DMBT1: variants seen among roughly 807,000 people sequenced by gnomAD.
The protein encoded by DMBT1 is deleted in malignant brain tumors 1, also known as scavenger receptor cysteine-rich domain-containing protein DMBT1.
A neutral mutation model predicts 252.9 loss-of-function variants in DMBT1; 198 were observed. That is an observed-to-expected ratio of 0.78 (90% CI 0.70 to 0.88). DMBT1 has a LOEUF of 0.88. Among genes scored for constraint, DMBT1 ranks in the 40% least tolerant of loss-of-function variants. The pLI is 0.00. For missense variants in DMBT1, 2,432 were observed against 2,404.7 expected (o/e 1.01, Z -0.24); for synonymous variants, 990 against 942.7 (o/e 1.05, Z -0.92).
chr10:122,631,708 T>G (rs1426341054), intron 49 of DMBT1, 147 bp from the exon 50 acceptor site: 13 of 774,550 alleles, frequency 1.7e-5, no homozygotes, highest in Admixed American at 2.2e-5. Context: ...CTGGGAAGGC[T>G]TCTCAATAGC....
chr10:122,630,229 A>G (rs1415328089), intron 47 of DMBT1, 59 bp from the exon 48 acceptor site: 1 of 1,551,332 alleles, frequency 6.4e-7, no homozygotes, highest in East Asian at 2.3e-5. Flanking sequence ...CAAACTATTT[A>G]TAAAATGGAG....
At chr10:122,641,021 G>T (rs1844436896) in intron 55 of DMBT1, among the ~76,000 whole-genome samples, 1 of 152,216 alleles carries the variant, frequency 6.6e-6, no homozygotes, top group South Asian at 2.1e-4. Context: ...AGCACAGAGA[G>T]TGTGCAGCAG....
At position 122,586,170 on chromosome 10, in the gene DMBT1, G is replaced by T. The variant is rs748510626; in HGVS notation, c.1570G>T (p.Asp524Tyr). The T allele has an allele frequency of 1.9e-6, 3 of 1,589,290 alleles. No individual in the cohort carries two copies. Among genetic ancestry groups the T allele is most frequent in the South Asian group, 2.3e-5 (2 of 87,048 alleles). The change falls in exon 16 of 56, where the codon GAC becomes TAC. Residue 524 changes from aspartate (D) to tyrosine (Y), a missense_variant. Coordinates refer to ENST00000338354, the MANE Select transcript of DMBT1 (RefSeq NM_001377530.1). ...GGGCACCGTGTGTGATGACAGCTGG[G>T]ACACCAATGATGCCAATGTGGTCTG... ...SWGTVCDDSW[D>Y]TNDANVVCRQ...
chr10:122,635,865 TA>T (rs2098222945), intron 52 of DMBT1, 125 bp from the exon 53 acceptor site: 6 of 1,017,406 alleles, frequency 5.9e-6, no homozygotes, highest in Non-Finnish European at 7.4e-6. Flanking sequence ...CAAGGAGACC[TA>T]TGACTTTCAT....
intron 55 of DMBT1, among the ~76,000 whole-genome samples, chr10:122,642,072 C>T (rs1307694954): frequency 6.6e-6 from 1 of 152,108 alleles, no homozygotes. Flanking sequence ...CAATGACTGC[C>T]CAGGGGCTTC....
At chr10:122,592,814 G>A (rs1268455228) in intron 20 of DMBT1, among the ~76,000 whole-genome samples, 1 of 148,682 alleles carries the variant, frequency 6.7e-6, no homozygotes, top group African/African-American at 2.4e-5. Context: ...CAACAACCCA[G>A]ACTTTATCCC....
At chr10:122,571,495 C>T (rs2097663543) in intron 4 of DMBT1, among the ~76,000 whole-genome samples, 1 of 152,200 alleles carries the variant, frequency 6.6e-6, no homozygotes, top group African/African-American at 2.4e-5. Flanking sequence ...CGAACCAAGG[C>T]ATTCTCTTTA....
chr10:122,585,420 C>G, intron 15 of DMBT1, 111 bp downstream of exon 15: 1 of 1,354,112 alleles, frequency 7.4e-7, no homozygotes, highest in Non-Finnish European at 1.0e-6. Context: ...TTTTCATGTC[C>G]CTGTGGGTTG....
chr10:122,569,734 A>G (rs1230196055), intron 2 of DMBT1, among the ~76,000 whole-genome samples: 1 of 152,182 alleles, frequency 6.6e-6, no homozygotes, highest in Non-Finnish European at 1.5e-5. Context: ...CGGCATTCTG[A>G]AAAGGTTGGT....
intron 44 of DMBT1, among the ~76,000 whole-genome samples, chr10:122,622,516 T>G (rs2098080149): frequency 6.6e-6 from 1 of 152,218 alleles, no homozygotes; most frequent in South Asian, 2.1e-4. Flanking sequence ...TTTATCTGTG[T>G]GGGCTTCACT....
intron 4 of DMBT1, among the ~76,000 whole-genome samples, chr10:122,571,255 C>T (rs752855319): frequency 3.9e-5 from 6 of 152,218 alleles, no homozygotes; most frequent in Non-Finnish European, 8.8e-5. Context: ...TCTTCCTGTC[C>T]TTCTGAAGCT....
intron 48 of DMBT1, 64 bp downstream of exon 48, chr10:122,630,554 C>T (rs2098154643): frequency 6.6e-7 from 1 of 1,511,700 alleles, no homozygotes; most frequent in African/African-American, 1.4e-5. Context: ...TCTTTGGGGG[C>T]ACCATGGTTC....
chr10:122,592,201 G>T (rs545235969), intron 19 of DMBT1, 71 bp from the exon 20 acceptor site: 2 of 1,560,196 alleles, frequency 1.3e-6, no homozygotes, highest in East Asian at 2.4e-5. Context: ...GAAGTACCCT[G>T]AGTGTGGAAC....
intron 44 of DMBT1, among the ~76,000 whole-genome samples, chr10:122,621,623 G>A (rs28533382): frequency 0.016 from 2,389 of 152,282 alleles, 34 homozygotes; most frequent in Non-Finnish European, 0.025. Flanking sequence ...GGCAGTGCAA[G>A]GAAGAGGCAG....
At chr10:122,584,500 C>A (rs925962695) in intron 14 of DMBT1, 149 bp downstream of exon 14, 1 of 460,054 alleles carries the variant, frequency 2.2e-6, no homozygotes, top group Non-Finnish European at 3.9e-6. Context: ...CCTGGAATGG[C>A]GCTTCTGAAC....
Position 122,621,333 on chromosome 10 carries a change from T to C in DMBT1, c.5561T>C (p.Leu1854Pro). 1 of 1,613,832 alleles carries C rather than the reference T, an allele frequency of 6.2e-7. No homozygotes were observed. The highest frequency in any genetic ancestry group is 1.1e-5 in the South Asian group (1 of 91,078). ...YLWSCPHKGW[L>P]THNCGHHEDA... is the part of the protein sequence containing the mutation. The stretch of plus-strand genomic sequence containing the variant: ...TGGAGCTGCCCCCACAAAGGCTGGC[T>C]CACCCACAACTGTGGCCATCACGAA... Residue 1854 changes from leucine to proline, a missense_variant, in exon 44 of 56, where the codon CTC (leucine) becomes CCC (proline). This residue lies in a region of DMBT1 where 1,162 missense variants were observed against 1,169.0 expected (regional missense o/e 0.99). Transcript: ENST00000338354.
At chr10:122,577,507 C>T (rs1349865285) in intron 7 of DMBT1, among the ~76,000 whole-genome samples, 1 of 152,212 alleles carries the variant, frequency 6.6e-6, no homozygotes, top group Non-Finnish European at 1.5e-5. Flanking sequence ...TTCATCTACT[C>T]ATTGCTTAGG....
chr10:122,580,842 G>A, intron 10 of DMBT1, 24 bp from the exon 11 acceptor site: 1 of 1,613,746 alleles, frequency 6.2e-7, no homozygotes, highest in African/African-American at 1.3e-5. Flanking sequence ...TTCCTGATCT[G>A]ACCTTCTCTT....
At chr10:122,579,003 C>G (rs922611571) in intron 9 of DMBT1, among the ~76,000 whole-genome samples, 3 of 152,004 alleles carry the variant, frequency 2.0e-5, no homozygotes, top group Admixed American at 1.3e-4. Context: ...AGGTGGGCCC[C>G]TTGCTTTTTC....
Sources: gnomAD v4.1 joint callset for allele counts (sites outside exome capture counted in the v4.1 genomes callset) on GRCh38, gnomAD v4.1.1 for gene constraint, gnomAD v4.1.1 regional missense constraint, MANE v1.5 for transcripts, NCBI Gene and HGNC (gene_info 2026-07-23, HGNC 2026-07-21) for gene names.